The following PTPRO variants were observed in gnomAD, a reference collection of about 807,000 sequenced individuals.
PTPRO encodes receptor-type tyrosine-protein phosphatase O.
In PTPRO, 62 loss-of-function variants were observed where a neutral mutation model predicts 145.2. The observed-to-expected ratio is 0.43, with a 90% confidence interval of 0.35 to 0.53. The LOEUF is 0.53. PTPRO is among the 20% of genes least tolerant of loss of function. The pLI, the probability that PTPRO is intolerant of heterozygous loss-of-function variation, is 0.01. For synonymous variants in PTPRO, 565 were observed against 514.7 expected, an observed-to-expected ratio of 1.10 and a Z score of -1.32; for missense variants, 1,345 against 1,482.7, an observed-to-expected ratio of 0.91 and a Z score of 1.53.
intron 1 of PTPRO, among the ~76,000 whole-genome samples, chr12:15,378,254 T>A (rs1447859682): frequency 6.6e-6 from 1 of 151,908 alleles, no homozygotes; most frequent in Non-Finnish European, 1.5e-5. Flanking sequence ...GAAGCTAGAC[T>A]GACCAAGAAA....
intron 1 of PTPRO, among the ~76,000 whole-genome samples, chr12:15,468,121 T>A (rs1941458219): frequency 6.6e-6 from 1 of 152,202 alleles, no homozygotes; most frequent in Non-Finnish European, 1.5e-5. Context: ...CCAGTTTGGA[T>A]GTCTGGTTTT....
At chr12:15,418,779 A>G (rs1591794675) in intron 1 of PTPRO, among the ~76,000 whole-genome samples, 1 of 151,718 alleles carries the variant, frequency 6.6e-6, no homozygotes, top group Non-Finnish European at 1.5e-5. Flanking sequence ...TTATGGATGG[A>G]CCAGATTCTT....
chr12:15,512,808 A>T (rs1190659965), intron 7 of PTPRO, among the ~76,000 whole-genome samples: 2 of 152,124 alleles, frequency 1.3e-5, no homozygotes, highest in Non-Finnish European at 2.9e-5. Flanking sequence ...AGCCTGACCA[A>T]CATAATGAAA....
chr12:15,370,602 T>G (rs1938497450), intron 1 of PTPRO, among the ~76,000 whole-genome samples: 1 of 152,166 alleles, frequency 6.6e-6, no homozygotes, highest in African/African-American at 2.4e-5. Context: ...TGGTAATATA[T>G]GTATGAGAGG....
chr12:15,445,845 T>C (rs1359038959), intron 1 of PTPRO, among the ~76,000 whole-genome samples: 2 of 152,108 alleles, frequency 1.3e-5, no homozygotes, highest in Non-Finnish European at 2.9e-5. Flanking sequence ...GCCAGGTCTT[T>C]GACATGTCTG....
rs576780239 is a variant in PTPRO at position 15,360,897 on chromosome 12, T to C, written c.75+38096T>C. Among the ~76,000 whole-genome samples the C allele has an allele frequency of 1.3e-4, 19 of 141,182 alleles. 2 individuals are homozygous for C. Among genetic ancestry groups the C allele is most frequent in the South Asian group, 4.5e-4 (2 of 4,416 alleles). The allele number at this position is 141,182 out of a possible 152,430, so 92.6% of individuals were successfully genotyped here. On this transcript the variant is annotated intron_variant, in intron 1 of 26. Transcript: ENST00000281171. ...ATATACACACATACACATGTGTATA[T>C]ACACACACATATATACACACATGTA...
At chr12:15,478,772 C>T (rs1317858010) in intron 1 of PTPRO, among the ~76,000 whole-genome samples, 5 of 152,028 alleles carry the variant, frequency 3.3e-5, no homozygotes, top group African/African-American at 1.2e-4. Flanking sequence ...CCCAGGTTCA[C>T]CCCATTCTCC....
intron 22 of PTPRO, among the ~76,000 whole-genome samples, 171 bp from the exon 23 acceptor site, chr12:15,581,485 GATATGATAAGAATGACCCAAGTC>G (rs1944316683): frequency 6.6e-6 from 1 of 151,952 alleles, no homozygotes; most frequent in African/African-American, 2.4e-5. Context: ...GTTTTAGTTA[GATATGATAAGAATGACCCAAGTC>G]ATGTGATAAG....
chr12:15,515,287 AACAG>A (rs375775257), intron 7 of PTPRO, among the ~76,000 whole-genome samples: 1 of 152,154 alleles, frequency 6.6e-6, no homozygotes, highest in African/African-American at 2.4e-5. Context: ...CAGGGCTTAG[AACAG>A]ACAAAATTTG....
chr12:15,341,880 CTG>C (rs1372911236), intron 1 of PTPRO, among the ~76,000 whole-genome samples: 13 of 152,348 alleles, frequency 8.5e-5, no homozygotes, highest in South Asian at 4.1e-4. Context: ...CTTCACCTCT[CTG>C]TAAAAATGAC....
chr12:15,336,671 T>C (rs755373556), intron 1 of PTPRO, among the ~76,000 whole-genome samples: 4 of 152,228 alleles, frequency 2.6e-5, no homozygotes, highest in Non-Finnish European at 4.4e-5. Flanking sequence ...TTACTAGCTA[T>C]GGCATTTGGC....
In PTPRO at chr12:15,507,314, G is replaced by A. The variant is rs183769652; in HGVS notation, c.1268-1257G>A. Among the ~76,000 whole-genome samples, 626 of 152,098 alleles carry A rather than the reference G, an allele frequency of 4.1e-3. 4 individuals are homozygous for A. Among genetic ancestry groups the A allele is most frequent in the African/African-American group, 0.015 (604 of 41,486 alleles). ...TGTAATCCCAGCTACTCGGGAGGCT[G>A]AGGCAGGAGAATCGCTTGAACTCAG... On this transcript the variant is annotated intron_variant, in intron 6 of 26. Coordinates refer to ENST00000281171, the MANE Select transcript of PTPRO (RefSeq NM_030667.3).
chr12:15,466,671 T>C (rs776010693), intron 1 of PTPRO, among the ~76,000 whole-genome samples: 3 of 152,208 alleles, frequency 2.0e-5, no homozygotes, highest in Non-Finnish European at 2.9e-5. Flanking sequence ...CCTTGTGATG[T>C]TGGTGTCCTT....
intron 1 of PTPRO, among the ~76,000 whole-genome samples, chr12:15,464,474 C>A (rs536516181): frequency 1.3e-5 from 2 of 151,934 alleles, no homozygotes; most frequent in South Asian, 4.2e-4. Flanking sequence ...CCTGCCTCAG[C>A]CTCCTAAGTA....
At chr12:15,456,305 T>A (rs1771800066) in intron 1 of PTPRO, among the ~76,000 whole-genome samples, 1 of 152,202 alleles carries the variant, frequency 6.6e-6, no homozygotes, top group African/African-American at 2.4e-5. Flanking sequence ...CATCCTTGCA[T>A]CCCAGGGATA....
intron 1 of PTPRO, among the ~76,000 whole-genome samples, chr12:15,372,435 A>G (rs1287456860): frequency 6.6e-6 from 1 of 152,140 alleles, no homozygotes; most frequent in African/African-American, 2.4e-5. Context: ...AGACTCACTT[A>G]TTTTCAAAAC....
At chr12:15,422,114 T>C (rs1940163476) in intron 1 of PTPRO, among the ~76,000 whole-genome samples, 1 of 152,138 alleles carries the variant, frequency 6.6e-6, no homozygotes, top group Non-Finnish European at 1.5e-5. Flanking sequence ...AATTCCAAAA[T>C]AACTTGCCCC....
At chr12:15,515,474 T>A in intron 7 of PTPRO, 24 bp from the exon 8 acceptor site, 2 of 1,613,084 alleles carry the variant, frequency 1.2e-6, no homozygotes, top group Non-Finnish European at 1.7e-6. Context: ...TCTAAATAAA[T>A]CTTATTGGGT....
At position 15,354,112 on chromosome 12, in the gene PTPRO, AT is replaced by A. The variant is rs574027548; in HGVS notation, c.75+31320del. Among the ~76,000 whole-genome samples, 835 of 151,972 alleles carry A rather than the reference AT, an allele frequency of 5.5e-3. 5 individuals carry two copies. The highest frequency in any genetic ancestry group is 0.01 in the Middle Eastern group (3 of 294). On this transcript the variant is annotated intron_variant, in intron 1 of 26. Transcript: ENST00000281171. ...TGGTCCTCCTCAAATAGGGCACTAA[AT>A]TTTTTTTTAAAAAAGGGCATTAACA...
Sources: gnomAD v4.1 joint callset for allele counts (sites outside exome capture counted in the v4.1 genomes callset) on GRCh38, gnomAD v4.1.1 for gene constraint, MANE v1.5 for transcripts, NCBI Gene and HGNC (gene_info 2026-07-23, HGNC 2026-07-21) for gene names.